ZNF532: variants seen among roughly 807,000 people sequenced by gnomAD.
ZNF532 encodes the protein zinc finger protein 532.
Under a neutral mutation model 89.3 loss-of-function variants are expected in ZNF532, and 22 were observed. The ratio of observed to expected loss-of-function variants is 0.25; its 90% confidence interval spans 0.18 to 0.35. ZNF532 has a LOEUF of 0.35. ZNF532 is among the 10% of genes least tolerant of loss of function. The pLI, the probability that ZNF532 is intolerant of heterozygous loss-of-function variation, is 1.00. For synonymous variants in ZNF532, 606 were observed against 649.6 expected (o/e 0.93, Z 1.02); for missense variants, 1,132 against 1,643.4 (o/e 0.69, Z 5.38).
At chr18:58,908,336 G>A (rs1199864433) in intron 2 of ZNF532, among the ~76,000 whole-genome samples, 1 of 152,150 alleles carries the variant, frequency 6.6e-6, no homozygotes, top group Non-Finnish European at 1.5e-5. Flanking sequence ...ATGAAAGTTT[G>A]TCCATAGACA....
chr18:58,899,951 A>G (rs1277324857), intron 2 of ZNF532, among the ~76,000 whole-genome samples: 2 of 152,176 alleles, frequency 1.3e-5, no homozygotes, highest in Admixed American at 1.3e-4. Context: ...ATAATTTCCA[A>G]AAGTTCCTTC....
rs375821910 is a variant in ZNF532 at position 58,919,016 on chromosome 18, G to A, written c.729G>A (p.Lys243=). ...KVLENRVLDG[K]LSSEKNDTSL... Reference sequence around the variant, plus strand: ...TGGAAAACAGAGTCCTAGATGGGAAGCTGAGCTCCGAGAAGAATGACACCA... The same window carrying A: ...TGGAAAACAGAGTCCTAGATGGGAAACTGAGCTCCGAGAAGAATGACACCA... The change falls in exon 3 of 10, where the codon AAG becomes AAA. Residue 243 remains lysine, a synonymous_variant. Coordinates refer to ENST00000591808, the MANE Select transcript of ZNF532 (RefSeq NM_001375912.1). This position sits in a 1 kb window ranked among gnomAD's most constrained non-coding sequence, Gnocchi z 6.1. 5.0e-6 allele frequency: 8 copies of A among 1,613,470 alleles called. No individual in the cohort carries two copies. Among genetic ancestry groups the A allele is most frequent in the Non-Finnish European group, 6.8e-6 (8 of 1,180,032 alleles).
intron 6 of ZNF532, among the ~76,000 whole-genome samples, chr18:58,951,850 C>T (rs548195237): frequency 3.9e-5 from 6 of 152,064 alleles, no homozygotes; most frequent in Admixed American, 2.0e-4. Flanking sequence ...GGGGTTTCAC[C>T]GTGTTAGCCA....
intron 2 of ZNF532, among the ~76,000 whole-genome samples, chr18:58,897,208 T>C (rs1480586794): frequency 6.6e-6 from 1 of 152,232 alleles, no homozygotes; most frequent in African/African-American, 2.4e-5. Flanking sequence ...ACAGTTGCTC[T>C]GTTTCTGCAT....
rs149335742 is a variant in ZNF532 at position 58,918,947 on chromosome 18, C to T, written c.660C>T (p.Val220=). The T allele has an allele frequency of 1.8e-3, 2,949 of 1,613,794 alleles. 3 individuals are homozygous for T. Among genetic ancestry groups the T allele is most frequent in the Non-Finnish European group, 2.1e-3 (2,479 of 1,180,022 alleles). ...TGAGTGTTTATGAACCTTTTAAAGT[C>T]AGAAAAGCAGAGGATAAATTGAAGG... ...INLSVYEPFK[V]RKAEDKLKES... Residue 220 remains valine, a synonymous_variant, in exon 3 of 10, where the codon GTC becomes GTT. Coordinates refer to ENST00000591808, the MANE Select transcript of ZNF532 (RefSeq NM_001375912.1).
intron 4 of ZNF532, 78 bp from the exon 5 acceptor site, chr18:58,939,367 G>A (rs539302872): frequency 1.6e-6 from 2 of 1,261,098 alleles, no homozygotes; most frequent in Non-Finnish European, 1.1e-6. Flanking sequence ...ATGAAAGTGT[G>A]TTCATCTCAC....
At chr18:58,907,760 T>G (rs1425517780) in intron 2 of ZNF532, among the ~76,000 whole-genome samples, 1 of 152,198 alleles carries the variant, frequency 6.6e-6, no homozygotes, top group Non-Finnish European at 1.5e-5. Flanking sequence ...CCTCTAATTC[T>G]GATCTCTCCC....
At chr18:58,945,146 G>A (rs1437101492) in intron 5 of ZNF532, among the ~76,000 whole-genome samples, 3 of 152,114 alleles carry the variant, frequency 2.0e-5, no homozygotes, top group Non-Finnish European at 2.9e-5. Context: ...GTGTCCTTCC[G>A]TCTGAAGCAG....
At chr18:58,969,205 C>T (rs923111523) in intron 7 of ZNF532, among the ~76,000 whole-genome samples, 13 of 152,232 alleles carry the variant, frequency 8.5e-5, no homozygotes, top group Non-Finnish European at 1.6e-4. Flanking sequence ...ACAGCCACCT[C>T]GAGTTGTGAG....
At chr18:58,977,979 T>C (rs1653377192) in intron 7 of ZNF532, among the ~76,000 whole-genome samples, 1 of 152,248 alleles carries the variant, frequency 6.6e-6, no homozygotes, top group Non-Finnish European at 1.5e-5. Flanking sequence ...TCATGAGGCT[T>C]GACAGCTCTT....
intron 7 of ZNF532, among the ~76,000 whole-genome samples, chr18:58,977,922 C>T (rs1438403212): frequency 5.3e-5 from 8 of 152,298 alleles, no homozygotes; most frequent in South Asian, 4.1e-4. Flanking sequence ...ATGAAAACTT[C>T]GTCCCACTTC....
intron 7 of ZNF532, among the ~76,000 whole-genome samples, chr18:58,955,791 A>G (rs1268448223): frequency 6.6e-6 from 1 of 152,226 alleles, no homozygotes. Context: ...TCTTAGTCTC[A>G]GGCTTTCCTA....
chr18:58,871,714 T>C (rs1408506735), intron 2 of ZNF532, among the ~76,000 whole-genome samples: 1 of 152,178 alleles, frequency 6.6e-6, no homozygotes, highest in Admixed American at 6.5e-5. Context: ...GTGGAGAAGT[T>C]TGAGGTACAC....
chr18:58,918,283 A>T lies in ZNF532; in HGVS notation c.-5A>T. Reference sequence around the variant, plus strand: ...GCTCATTTAACAGAACATCTGCTCAAATTAATGACCATGGGGGATATGAAG... The same window carrying T: ...GCTCATTTAACAGAACATCTGCTCATATTAATGACCATGGGGGATATGAAG... On this transcript the variant is annotated 5_prime_UTR_variant, in exon 3 of 10. Transcript: ENST00000591808. The T allele has an allele frequency of 1.2e-6, 2 of 1,609,060 alleles. No homozygotes were observed. The highest frequency in any genetic ancestry group is 2.2e-5 in the South Asian group (2 of 90,864).
At chr18:58,895,857 C>CTTTCT (rs2059212342) in intron 2 of ZNF532, among the ~76,000 whole-genome samples, 1 of 144,010 alleles carries the variant, frequency 6.9e-6, no homozygotes, top group African/African-American at 2.6e-5. Context: ...TTCTTTCTTT[C>CTTTCT]TTTTTTTTTT....
intron 2 of ZNF532, among the ~76,000 whole-genome samples, chr18:58,867,871 TC>T (rs1156675346): frequency 4.6e-5 from 7 of 152,250 alleles, no homozygotes; most frequent in Non-Finnish European, 1.5e-5. Flanking sequence ...ACACACGCTC[TC>T]TTTTTCTTCT....
At position 58,873,132 on chromosome 18, in the gene ZNF532, C is replaced by CACCTCAGCCTCCT. The variant is rs1345254062; in HGVS notation, c.-18+7554_-18+7566dup. Among the ~76,000 whole-genome samples, 19 of 148,574 alleles carry CACCTCAGCCTCCT rather than the reference C, an allele frequency of 1.3e-4. No homozygotes were observed. In the East Asian group the frequency reaches 3.9e-3, roughly 30 times the overall value. On this transcript the variant is annotated intron_variant, in intron 2 of 9. Coordinates refer to ENST00000591808, the MANE Select transcript of ZNF532 (RefSeq NM_001375912.1). ...AAGTGATCCTCCTACCTTGGCCTCC[C>CACCTCAGCCTCCT]ACCTCAGCCTCCTGAGTAGGTGGGA... is the stretch of plus-strand genomic sequence containing the variant.
chr18:58,907,405 T>G (rs560420212), intron 2 of ZNF532, among the ~76,000 whole-genome samples: 1 of 152,180 alleles, frequency 6.6e-6, no homozygotes, highest in South Asian at 2.1e-4. Flanking sequence ...AGGCTGGTCT[T>G]GAACTCCTGA....
At chr18:58,888,876 TTATATATATATATTTTATA>T (rs2058659895) in intron 2 of ZNF532, among the ~76,000 whole-genome samples, 1 of 42,332 alleles carries the variant, frequency 2.4e-5, no homozygotes, top group Non-Finnish European at 3.8e-5. Flanking sequence ...ATAATATATA[TTATATATATATATTTTATA>T]TATATATATA....
Sources: allele counts gnomAD v4.1 joint callset (sites outside exome capture counted in the v4.1 genomes callset), GRCh38; gene constraint gnomAD v4.1.1; non-coding constraint Gnocchi (gnomAD v3.1); transcripts MANE v1.5; gene names NCBI Gene and HGNC (gene_info 2026-07-23, HGNC 2026-07-21).